TAF4B: variants seen among roughly 807,000 people sequenced by gnomAD.
The protein encoded by TAF4B is TATA-box binding protein associated factor 4b.
A neutral mutation model predicts 86.4 loss-of-function variants in TAF4B; 38 were observed. The ratio of observed to expected loss-of-function variants is 0.44; its 90% CI spans 0.34 to 0.58. TAF4B has a LOEUF of 0.58. Among genes scored for constraint, TAF4B ranks in the 20% least tolerant of loss-of-function variants. The probability of loss-of-function intolerance (pLI) is 0.02; values close to 1 mark genes in which losing one functional copy is unlikely to be tolerated. For synonymous variants in TAF4B, 388 were observed against 391.2 expected (o/e 0.99, Z 0.10); for missense variants, 988 against 1,027.6 (o/e 0.96, Z 0.53).
chr18:26,257,670 A>G (rs1391047331), intron 1 of TAF4B, among the ~76,000 whole-genome samples: 1 of 151,970 alleles, frequency 6.6e-6, no homozygotes, highest in Non-Finnish European at 1.5e-5. Flanking sequence ...CTAGGGTAAC[A>G]CTTATCCTTT....
intron 1 of TAF4B, among the ~76,000 whole-genome samples, chr18:26,261,902 A>T (rs1318009349): frequency 1.3e-5 from 2 of 152,180 alleles, no homozygotes; most frequent in Non-Finnish European, 2.9e-5. Flanking sequence ...CATTTCATTT[A>T]GGGAGATATT....
intron 13 of TAF4B, among the ~76,000 whole-genome samples, chr18:26,349,660 G>C (rs1431371816): frequency 6.6e-6 from 1 of 152,162 alleles, no homozygotes; most frequent in Non-Finnish European, 1.5e-5. Flanking sequence ...TGCAATCTCT[G>C]TCAAAATACC....
At chr18:26,309,159 T>C (rs1410136848) in intron 9 of TAF4B, among the ~76,000 whole-genome samples, 3 of 150,316 alleles carry the variant, frequency 2.0e-5, no homozygotes, top group African/African-American at 7.3e-5. Flanking sequence ...TTAGGAACTA[T>C]AAGTATATAT....
chr18:26,300,361 T>A (rs2056716706), intron 9 of TAF4B, among the ~76,000 whole-genome samples: 1 of 148,686 alleles, frequency 6.7e-6, no homozygotes, highest in Non-Finnish European at 1.5e-5. Flanking sequence ...AAATTATACA[T>A]TTCCTCATTT....
chr18:26,268,864 C>T (rs1014364461), intron 3 of TAF4B, among the ~76,000 whole-genome samples: 1 of 152,030 alleles, frequency 6.6e-6, no homozygotes, highest in Non-Finnish European at 1.5e-5. Context: ...ACTCTATCAC[C>T]TAGGCTGGAG....
At chr18:26,267,200 A>AT (rs1458713847) in intron 2 of TAF4B, 1 of 182,170 alleles carries the variant, frequency 5.5e-6, no homozygotes, top group Non-Finnish European at 1.1e-5. Context: ...ATAAGAATCT[A>AT]TTTTTTCTGT....
chr18:26,378,077 C>T (rs1327184288), intron 14 of TAF4B, among the ~76,000 whole-genome samples: 1 of 152,046 alleles, frequency 6.6e-6, no homozygotes, highest in African/African-American at 2.4e-5. Context: ...TTCAACTGTA[C>T]TCCTATGGGG....
chr18:26,282,088 T>C, intron 6 of TAF4B, 28 bp downstream of exon 6: 2 of 1,513,990 alleles, frequency 1.3e-6, no homozygotes, highest in Non-Finnish European at 9.1e-7. Flanking sequence ...TTAGAAGAAA[T>C]AATTTGGATT....
chr18:26,330,202 T>C (rs2057039702), intron 12 of TAF4B, among the ~76,000 whole-genome samples: 3 of 152,220 alleles, frequency 2.0e-5, no homozygotes, highest in African/African-American at 7.2e-5. Flanking sequence ...CTCGTTTTAT[T>C]AGCACCCTAC....
chr18:26,307,543 T>C (rs1309498954), intron 9 of TAF4B, among the ~76,000 whole-genome samples: 1 of 152,136 alleles, frequency 6.6e-6, no homozygotes, highest in Non-Finnish European at 1.5e-5. Flanking sequence ...AGTCCTTATA[T>C]TTTAGAGATA....
intron 11 of TAF4B, among the ~76,000 whole-genome samples, chr18:26,326,164 C>T (rs1247125508): frequency 6.6e-6 from 1 of 152,160 alleles, no homozygotes; most frequent in Non-Finnish European, 1.5e-5. Flanking sequence ...TCTCCCTGTC[C>T]CATTGCCTCC....
chr18:26,284,008 C>G lies in TAF4B; in HGVS notation c.973-1874C>G, dbSNP rs115140688. 4.3e-3 allele frequency among the ~76,000 whole-genome samples: 653 copies of G among 151,482 alleles called. 3 individuals are homozygous for G. The highest frequency in any genetic ancestry group is 0.015 in the African/African-American group (623 of 41,296). ...GGCAGAGGTTGCAGTGAGCCAAGAT[C>G]GTGCATTGCACTGTAGCCTGGGTGA... is the stretch of plus-strand genomic sequence containing the variant. On this transcript the variant is annotated intron_variant, in intron 6 of 14. Transcript: ENST00000269142.
intron 11 of TAF4B, among the ~76,000 whole-genome samples, chr18:26,326,560 G>A (rs1021926860): frequency 1.3e-5 from 2 of 151,948 alleles, no homozygotes; most frequent in Non-Finnish European, 2.9e-5. Context: ...TTTCATCTTT[G>A]GTATATTTTT....
chr18:26,327,263 C>A, intron 12 of TAF4B, 123 bp downstream of exon 12: 2 of 1,202,206 alleles, frequency 1.7e-6, no homozygotes, highest in Non-Finnish European at 2.2e-6. Context: ...TTTCCTAAAA[C>A]GAAATTACTA....
intron 1 of TAF4B, chr18:26,256,392 C>T (rs1428312700): frequency 2.2e-5 from 26 of 1,206,322 alleles, no homozygotes; most frequent in Admixed American, 3.4e-5. Context: ...CAAAAGCAGC[C>T]GTTCCACGCG....
chr18:26,384,351 T>A (rs1278363911), intron 14 of TAF4B, among the ~76,000 whole-genome samples: 2 of 152,220 alleles, frequency 1.3e-5, no homozygotes, highest in Non-Finnish European at 2.9e-5. Flanking sequence ...TGACTTTTAG[T>A]TTCTAGAGAC....
intron 7 of TAF4B, among the ~76,000 whole-genome samples, chr18:26,288,311 A>G (rs759030184): frequency 2.0e-5 from 3 of 152,174 alleles, no homozygotes; most frequent in Non-Finnish European, 4.4e-5. Flanking sequence ...GAAAACTAAG[A>G]ATCCAGAAAT....
At chr18:26,254,630 T>A in intron 1 of TAF4B, among the ~76,000 whole-genome samples, 1 of 152,198 alleles carries the variant, frequency 6.6e-6, no homozygotes, top group East Asian at 1.9e-4. Flanking sequence ...ACTTGCACAT[T>A]TTTTCAGATA....
chr18:26,238,751 C>T (rs1265655404), intron 1 of TAF4B, among the ~76,000 whole-genome samples: 1 of 152,114 alleles, frequency 6.6e-6, no homozygotes, highest in East Asian at 1.9e-4. Flanking sequence ...CCTCCCACCC[C>T]ACGACAGGCC....
Sources: gnomAD v4.1 joint callset for allele counts (sites outside exome capture counted in the v4.1 genomes callset) on GRCh38, gnomAD v4.1.1 for gene constraint, MANE v1.5 for transcripts, NCBI Gene and HGNC (gene_info 2026-07-23, HGNC 2026-07-21) for gene names.